SUN1: variants seen among roughly 807,000 people sequenced by gnomAD.
The protein encoded by SUN1 is SUN domain-containing protein 1.
Under a neutral mutation model 103.2 loss-of-function variants are expected in SUN1, and 61 were observed. The observed-to-expected ratio is 0.59, with a 90% CI of 0.48 to 0.73. The LOEUF (loss-of-function observed/expected upper bound fraction) is 0.73, where lower values mean the gene tolerates loss of function less well. Ranked by LOEUF, SUN1 falls within the 30% of genes least tolerant of loss-of-function variation. SUN1 has a pLI of 0.00. For synonymous variants in SUN1, 490 were observed against 425.7 expected (o/e 1.15, Z -1.86); for missense variants, 1,052 against 1,034.6 (o/e 1.02, Z -0.23).
intron 5 of SUN1, among the ~76,000 whole-genome samples, chr7:846,676 G>A (rs954565955): frequency 2.6e-5 from 4 of 151,982 alleles, no homozygotes; most frequent in Admixed American, 2.0e-4. Context: ...TGGAGTTTGA[G>A]ACCAGCCTGG....
chr7:851,691 G>T (rs1000537011), intron 6 of SUN1: 1 of 639,606 alleles, frequency 1.6e-6, no homozygotes, highest in African/African-American at 1.8e-5. Flanking sequence ...GTTGGGTCTG[G>T]GGGAAGTCCG....
intron 5 of SUN1, chr7:843,951 T>C (rs1812647056): frequency 1.4e-5 from 15 of 1,043,984 alleles, no homozygotes; most frequent in Non-Finnish European, 1.8e-5. Context: ...CCGTGGTCGC[T>C]AGCCCTGTGC....
In SUN1 at chr7:838,797, G is replaced by T; in HGVS notation, c.78-1G>T. On this transcript the variant is annotated splice_acceptor_variant, in intron 1 of 18. Coordinates refer to ENST00000401592, the MANE Select transcript of SUN1 (RefSeq NM_001130965.3). LOFTEE classifies it high-confidence loss of function. ...ACCTCTGATGAGCTTTTTCCTTCTA[G>T]TTCCAGCTATTCTTCAGATGCTCTG... 2 of 1,539,962 alleles carry T rather than the reference G, an allele frequency of 1.3e-6. No homozygotes were observed. Among genetic ancestry groups the T allele is most frequent in the Admixed American group, 2.0e-5 (1 of 49,440 alleles).
In SUN1 at chr7:818,152, C is replaced by T. The variant is rs1782614864; in HGVS notation, c.-74+1479C>T. On this transcript the variant is annotated intron_variant, in intron 1 of 17. Coordinates refer to the SUN1 transcript ENST00000389574. ...CCTAGTTACATAACTTTTTCATCAT[C>T]CCAGATGGAAACCCTATACCTGTTA... Among the ~76,000 whole-genome samples, 11 of 152,180 alleles carry T rather than the reference C, an allele frequency of 7.2e-5. No homozygotes were observed. The South Asian group carries it at 2.3e-3, about 32-fold the overall frequency.
At position 841,926 on chromosome 7, in the gene SUN1, CT is replaced by C. The variant is rs1810412141; in HGVS notation, c.267-19del. The C allele has an allele frequency of 2.5e-6, 4 of 1,611,460 alleles. No individual in the cohort carries two copies. Among genetic ancestry groups the C allele is most frequent in the Non-Finnish European group, 3.4e-6 (4 of 1,178,660 alleles). On this transcript the variant is annotated intron_variant, in intron 2 of 18. Coordinates refer to ENST00000401592, the MANE Select transcript of SUN1 (RefSeq NM_001130965.3). Reference sequence around the variant, plus strand: ...TTGCTAGAAAAGATCTATAAACTTGCTGTTTTTTTTTCTTCTTAGAACAACA... The same window carrying C: ...TTGCTAGAAAAGATCTATAAACTTGCGTTTTTTTTTCTTCTTAGAACAACA...
intron 1 of SUN1, among the ~76,000 whole-genome samples, chr7:837,164 C>G (rs1702743258): frequency 6.6e-6 from 1 of 152,236 alleles, no homozygotes; most frequent in Non-Finnish European, 1.5e-5. Flanking sequence ...CCCTCGTGAG[C>G]TGAAGCCCTG....
At chr7:869,589 G>T (rs934649373) in intron 17 of SUN1, 73 bp downstream of exon 17, 5 of 1,552,454 alleles carry the variant, frequency 3.2e-6, no homozygotes, top group Non-Finnish European at 4.4e-6. Context: ...CAAGTGACGT[G>T]AGCGCACTGG....
At chr7:829,096 T>C (rs530808194), upstream of SUN1, among the ~76,000 whole-genome samples, 1 of 152,318 alleles carries the variant, frequency 6.6e-6, no homozygotes, top group African/African-American at 2.4e-5. Context: ...AGACCGCACA[T>C]CTATGCAGAA....
chr7:832,239 C>A, upstream of SUN1: 2 of 583,840 alleles, frequency 3.4e-6, no homozygotes, highest in Non-Finnish European at 5.2e-6. Context: ...CCCCTGGTTT[C>A]ACGAGTCAGC....
chr7:843,190 G>A lies in SUN1; in HGVS notation c.452-16G>A. ...CAACAGCAAAAATGTGTGTGTGTGTGTGTTTTTTTTTTTAGGTCTTGATGA... is the reference window on the plus strand; with the variant it reads ...CAACAGCAAAAATGTGTGTGTGTGTATGTTTTTTTTTTTAGGTCTTGATGA... On this transcript the variant is annotated splice_polypyrimidine_tract_variant and intron_variant, in intron 3 of 18. Coordinates refer to ENST00000401592, the MANE Select transcript of SUN1 (RefSeq NM_001130965.3). The A allele has an allele frequency of 6.4e-7, 1 of 1,558,054 alleles. No individual in the cohort carries two copies. Among genetic ancestry groups the A allele is most frequent in the Non-Finnish European group, 8.7e-7 (1 of 1,155,774 alleles).
intron 3 of SUN1, chr7:842,943 C>G: frequency 1.7e-6 from 1 of 593,396 alleles, no homozygotes; most frequent in South Asian, 2.1e-5. Context: ...CTCTCCTTCC[C>G]TCATGTTCTG....
At chr7:870,977 G>A (rs779153349) in intron 17 of SUN1, among the ~76,000 whole-genome samples, 2 of 141,418 alleles carry the variant, frequency 1.4e-5, no homozygotes, top group African/African-American at 2.7e-5. Context: ...CACAATCTCC[G>A]CCTCCCGGGT....
chr7:860,025 G>C, intron 13 of SUN1, 103 bp from the exon 14 acceptor site: 1 of 1,396,262 alleles, frequency 7.2e-7, no homozygotes, highest in African/African-American at 1.4e-5. Flanking sequence ...TCTAGATTTT[G>C]AGAGGATATA....
At chr7:858,014 A>C in intron 13 of SUN1, 57 bp downstream of exon 13, 5 of 1,490,952 alleles carry the variant, frequency 3.4e-6, no homozygotes, top group Non-Finnish European at 4.5e-6. Flanking sequence ...AGAAAACTTG[A>C]ATTGATGACT....
intron 1 of SUN1, among the ~76,000 whole-genome samples, chr7:822,618 A>ATTATATCTTTAC (rs61618557): frequency 1.3e-5 from 2 of 151,836 alleles, no homozygotes; most frequent in Non-Finnish European, 2.9e-5. Flanking sequence ...AGATGATTTT[A>ATTATATCTTTAC]TTGCTACAAA....
chr7:833,510 C>T (rs557944236), intron 1 of SUN1, among the ~76,000 whole-genome samples: 2 of 152,140 alleles, frequency 1.3e-5, no homozygotes, highest in South Asian at 4.2e-4. Flanking sequence ...GGGGTTTCAC[C>T]ATGTGGACCA....
At chr7:866,857 T>C (rs903311032) in intron 16 of SUN1, among the ~76,000 whole-genome samples, 15 of 151,094 alleles carry the variant, frequency 9.9e-5, no homozygotes, top group African/African-American at 3.7e-4. Flanking sequence ...GCACTGCTTT[T>C]CTGTGGCTTC....
At chr7:815,822 G>GAA (rs1161852643), upstream of SUN1, 19 of 214,378 alleles carry the variant, frequency 8.9e-5, no homozygotes, top group Non-Finnish European at 1.3e-4. Context: ...GCCGCGGGAG[G>GAA]AGCCCGGCCT....
chr7:865,805 T>C (rs959469724), intron 15 of SUN1, 147 bp from the exon 16 acceptor site: 1 of 632,186 alleles, frequency 1.6e-6, no homozygotes, highest in Non-Finnish European at 2.8e-6. Flanking sequence ...AGAGATCTAA[T>C]TGTAGTTTTT....
Sources: gnomAD v4.1 joint callset for allele counts (sites outside exome capture counted in the v4.1 genomes callset) on GRCh38, gnomAD v4.1.1 for gene constraint, MANE v1.5 for transcripts, NCBI Gene and HGNC (gene_info 2026-07-23, HGNC 2026-07-21) for gene names.